Variants in ZNF691 observed in about 807,000 individuals in gnomAD.
ZNF691 encodes zinc finger protein 691.
Under a neutral mutation model 24.1 loss-of-function variants are expected in ZNF691, and 11 were observed. That is an observed-to-expected ratio of 0.46 (90% CI 0.29 to 0.75). The LOEUF is 0.75. Ranked by LOEUF, ZNF691 falls within the 30% of genes least tolerant of loss-of-function variation. ZNF691 has a pLI of 0.11. For synonymous variants in ZNF691, 149 were observed against 153.9 expected (o/e 0.97, Z 0.23); for missense variants, 356 against 409.0 (o/e 0.87, Z 1.12).
At position 42,852,125 on chromosome 1, in the gene ZNF691, C is replaced by A; in HGVS notation, c.*312C>A. 1 of 464,462 alleles carries A rather than the reference C, an allele frequency of 2.2e-6. No homozygotes were observed. The highest frequency in any genetic ancestry group is 2.0e-5 in the South Asian group (1 of 49,380). 28.8% of individuals were successfully genotyped at this position (464,462 alleles called of 1,614,324 possible). A position where few individuals can be genotyped will look rare whatever the true frequency, so the allele number is the denominator to read the frequency against. The stretch of plus-strand genomic sequence containing the variant: ...TGCTCATGTTATTAAGGCAGCAGTC[C>A]CCCTGGCCTTTGAGGAAGTACTTAT... On this transcript the variant is annotated 3_prime_UTR_variant, in exon 4 of 4. Transcript: ENST00000651192.
chr1:42,846,993 T>C (rs1655256678), intron 1 of ZNF691, among the ~76,000 whole-genome samples: 1 of 151,910 alleles, frequency 6.6e-6, no homozygotes, highest in South Asian at 2.1e-4. Flanking sequence ...TGAAACCAGC[T>C]CTTGTACCCT....
chr1:42,848,323 A>G (rs1655294407), intron 1 of ZNF691, among the ~76,000 whole-genome samples: 1 of 152,162 alleles, frequency 6.6e-6, no homozygotes, highest in Non-Finnish European at 1.5e-5. Flanking sequence ...TGTCACTTAT[A>G]CATTCAAAAG....
At position 42,849,304 on chromosome 1, in the gene ZNF691, T is replaced by C. The variant is rs1268887006; in HGVS notation, c.-204T>C. On this transcript the variant is annotated 5_prime_UTR_variant, in exon 2 of 4. Transcript: ENST00000651192. ...TATTCTTCACAGGGCCTGGACGTAG[T>C]GTCTTCAACAGTTGTAACAGCAGCT... 2 of 478,412 alleles carry C rather than the reference T, an allele frequency of 4.2e-6. No homozygotes were observed. The highest frequency in any genetic ancestry group is 8.2e-6 in the Non-Finnish European group (2 of 244,036). 29.6% of individuals were successfully genotyped at this position (478,412 alleles called of 1,614,324 possible).
Position 42,851,188 on chromosome 1 carries a change from A to G in ZNF691, c.323A>G (p.His108Arg). Residue 108 changes from histidine (H) to arginine (R), a missense_variant, in exon 4 of 4, where the codon CAT (histidine) becomes CGT (arginine). Coordinates refer to ENST00000651192, the MANE Select transcript of ZNF691 (RefSeq NM_001242739.2). This position sits in a 1 kb window ranked among gnomAD's most constrained non-coding sequence, Gnocchi z 4.7. ...ELGDPIAHPRHEADEKPFICA... is the reference protein window; with the variant it reads ...ELGDPIAHPRREADEKPFICA... ...GGGGACCCCATTGCTCATCCAAGGC[A>G]TGAGGCAGATGAGAAGCCCTTTATA... 6.2e-7 allele frequency: 1 copy of G among 1,614,242 alleles called. No homozygotes were observed. Among genetic ancestry groups the G allele is most frequent in the Non-Finnish European group, 8.5e-7 (1 of 1,180,036 alleles).
Position 42,851,302 on chromosome 1 carries a change from C to G in ZNF691, c.437C>G (p.Ser146Cys), listed in dbSNP as rs1427649273. The G allele has an allele frequency of 1.9e-6, 3 of 1,614,124 alleles. No homozygotes were observed. The highest frequency in any genetic ancestry group is 2.5e-6 in the Non-Finnish European group (3 of 1,180,020). Residue 146 changes from serine to cysteine, a missense_variant, in exon 4 of 4, where the codon TCT (serine) becomes TGT (cysteine). Ser to Cys is a moderately radical substitution (Grantham distance 112). Transcript: ENST00000651192. The surrounding 1 kb of genome is among the most constrained non-coding windows in gnomAD (Gnocchi z 4.7). ...IHTGEKPYKC[S>C]ECGKSFSRSS... ...ACTGGTGAGAAGCCTTACAAGTGTT[C>G]TGAATGTGGCAAGAGCTTCTCGAGA...
Position 42,850,578 on chromosome 1 carries a change from T to A in ZNF691, c.85-372T>A. On this transcript the variant is annotated intron_variant, in intron 3 of 3. Transcript: ENST00000651192. ...AAAAGAGTTACAGTTAACTTACAGT[T>A]AGGCAGAAAAATTGAACTTATCCCA... is the stretch of plus-strand genomic sequence containing the variant. The A allele has an allele frequency of 2.0e-6, 3 of 1,506,548 alleles. No homozygotes were observed. The South Asian group carries it at 3.9e-5, about 20-fold the overall frequency. The allele number at this position is 1,506,548 out of a possible 1,614,324, so 93.3% of individuals were successfully genotyped here.
chr1:42,849,145 C>A, intron 1 of ZNF691, 146 bp from the exon 2 acceptor site: 1 of 287,742 alleles, frequency 3.5e-6, no homozygotes, highest in South Asian at 3.2e-5. Context: ...ACAGAAAAAG[C>A]TTGTCAACCT....
chr1:42,848,035 C>T (rs1323839989), intron 1 of ZNF691, among the ~76,000 whole-genome samples: 1 of 152,208 alleles, frequency 6.6e-6, no homozygotes, highest in Non-Finnish European at 1.5e-5. Context: ...TAACCTTCTG[C>T]ATTGTATGAC....
rs144535057 is a variant in ZNF691, at chr1:42,851,666, C to T, written c.801C>T (p.Ile267=). The change falls in exon 4 of 4, where the codon ATC becomes ATT. Residue 267 remains isoleucine, a synonymous_variant. Transcript: ENST00000651192. The surrounding 1 kb of genome is among the most constrained non-coding windows in gnomAD (Gnocchi z 4.7). ...AGTGTGGGCGGACCTTCAGCGATAT[C>T]TCCAACTTTGGAGCACACCAGCGGA... is the stretch of plus-strand genomic sequence containing the variant. ...CTECGRTFSD[I]SNFGAHQRTH... The T allele has an allele frequency of 6.2e-7, 1 of 1,614,220 alleles. No homozygotes were observed. Among genetic ancestry groups the T allele is most frequent in the Non-Finnish European group, 8.5e-7 (1 of 1,180,042 alleles).
At chr1:42,849,789 A>G (rs1359530457) in intron 3 of ZNF691, 47 bp downstream of exon 3, 3 of 1,466,144 alleles carry the variant, frequency 2.0e-6, no homozygotes, top group East Asian at 4.9e-5. Context: ...GTAGGAACCC[A>G]AAGGAGTCTG....
At chr1:42,848,642 C>T (rs888897565) in intron 1 of ZNF691, among the ~76,000 whole-genome samples, 1 of 151,690 alleles carries the variant, frequency 6.6e-6, no homozygotes, top group Non-Finnish European at 1.5e-5. Context: ...TGCCACTACT[C>T]TAGGAGTTTT....
Position 42,851,922 on chromosome 1 carries a change from C to T in ZNF691, c.*109C>T. ...CCTTGACCTCAAGCCCTTCATCCCA[C>T]TTTGGAGAATGGTTTTGTATAGCCT... On this transcript the variant is annotated 3_prime_UTR_variant, in exon 4 of 4. Transcript: ENST00000651192. The surrounding 1 kb of genome is among the most constrained non-coding windows in gnomAD (Gnocchi z 4.7). The T allele has an allele frequency of 6.6e-7, 1 of 1,511,014 alleles. No homozygotes were observed. Among genetic ancestry groups the T allele is most frequent in the Non-Finnish European group, 9.0e-7 (1 of 1,107,800 alleles). The allele number at this position is 1,511,014 out of a possible 1,614,324, so 93.6% of individuals were successfully genotyped here. A position where few individuals can be genotyped will look rare whatever the true frequency, so the allele number is the denominator to read the frequency against.
intron 1 of ZNF691, among the ~76,000 whole-genome samples, chr1:42,847,507 C>T (rs575536527): frequency 4.8e-4 from 73 of 152,318 alleles, no homozygotes; most frequent in African/African-American, 1.6e-3. Context: ...GAAAGTGCCT[C>T]TGTACTTCAG....
rs1178151387 is a variant in ZNF691, at chr1:42,849,772, C to T, written c.84+30C>T. ...TTTTCCCCCCAACTCTTTCCCTGTCCTTGGCTGTAGGAACCCAAAGGAGTC... is the reference window on the plus strand; with the variant it reads ...TTTTCCCCCCAACTCTTTCCCTGTCTTTGGCTGTAGGAACCCAAAGGAGTC... On this transcript the variant is annotated intron_variant, in intron 3 of 3. Transcript: ENST00000651192. The T allele has an allele frequency of 5.9e-6, 9 of 1,537,668 alleles. No individual in the cohort carries two copies. The Admixed American group carries it at 9.8e-5, about 17-fold the overall frequency.
intron 3 of ZNF691, chr1:42,850,574 C>A (rs1655356386): frequency 2.0e-6 from 3 of 1,502,964 alleles, no homozygotes; most frequent in Non-Finnish European, 2.7e-6. Context: ...AGTTAACTTA[C>A]AGTTAGGCAG....
In ZNF691 at chr1:42,846,675, C is replaced by T. The variant is rs930545882; in HGVS notation, c.-218+18C>T. 6.6e-6 allele frequency: 1 copy of T among 152,482 alleles called. No individual in the cohort carries two copies. The highest frequency in any genetic ancestry group is 1.5e-5 in the Non-Finnish European group (1 of 68,256). 9.4% of individuals were successfully genotyped at this position (152,482 alleles called of 1,614,324 possible). The stretch of plus-strand genomic sequence containing the variant: ...GGAGCGAGGTGGGTCCGGGTTGGGC[C>T]CGAGGTCGCGGGGGGAGGCGGACAC... On this transcript the variant is annotated intron_variant, in intron 1 of 3. Transcript: ENST00000651192.
Position 42,849,714 on chromosome 1 carries a change from C to G in ZNF691, c.56C>G (p.Pro19Arg), listed in dbSNP as rs554639505. The part of the protein sequence containing the change: ...SAEMSLFLQG[P>R]EEMLPLSSEG... ...GAAATGTCGTTATTTCTTCAAGGCCCGGAGGAAATGCTACCACTCTCATCA... is the reference window on the plus strand; with the variant it reads ...GAAATGTCGTTATTTCTTCAAGGCCGGGAGGAAATGCTACCACTCTCATCA... The change falls in exon 3 of 4, where the codon CCG becomes CGG. Residue 19 changes from proline (P) to arginine (R), a missense_variant. Coordinates refer to ENST00000651192, the MANE Select transcript of ZNF691 (RefSeq NM_001242739.2). 1.1e-5 allele frequency: 17 copies of G among 1,551,122 alleles called. No homozygotes were observed. The highest frequency in any genetic ancestry group is 1.4e-5 in the African/African-American group (1 of 73,136).
intron 3 of ZNF691, 70 bp from the exon 4 acceptor site, chr1:42,850,880 A>T (rs1655366450): frequency 6.4e-7 from 1 of 1,554,572 alleles, no homozygotes; most frequent in Admixed American, 2.1e-5. Context: ...CTTCAAACTG[A>T]ACAAAAGATT....
chr1:42,849,611 A>C lies in ZNF691; in HGVS notation c.-48A>C. On this transcript the variant is annotated 5_prime_UTR_variant, in exon 3 of 4. Coordinates refer to ENST00000651192, the MANE Select transcript of ZNF691 (RefSeq NM_001242739.2). Reference sequence around the variant, plus strand: ...AATTATCAGTCTTTCATTTTCTATCATCAGTGTCCTATGATAGTTTGTGCT... The same window carrying C: ...AATTATCAGTCTTTCATTTTCTATCCTCAGTGTCCTATGATAGTTTGTGCT... 7.5e-7 allele frequency: 1 copy of C among 1,337,040 alleles called. No homozygotes were observed. Among genetic ancestry groups the C allele is most frequent in the Non-Finnish European group, 1.1e-6 (1 of 952,002 alleles). The allele number at this position is 1,337,040 out of a possible 1,614,324, so 82.8% of individuals were successfully genotyped here.
Sources: allele counts gnomAD v4.1 joint callset (sites outside exome capture counted in the v4.1 genomes callset), GRCh38; gene constraint gnomAD v4.1.1; non-coding constraint Gnocchi (gnomAD v3.1); transcripts MANE v1.5; gene names NCBI Gene and HGNC (gene_info 2026-07-23, HGNC 2026-07-21).